Variants in ZNF704 observed in about 807,000 individuals in gnomAD.
The protein encoded by ZNF704 is glucocorticoid induced gene 1.
In ZNF704, 10 loss-of-function variants were observed where a neutral mutation model predicts 44.7. That is an observed-to-expected ratio of 0.22 (90% CI 0.14 to 0.38). ZNF704 has a LOEUF of 0.38. Among genes scored for constraint, ZNF704 ranks in the 10% least tolerant of loss-of-function variants. The pLI, the probability that ZNF704 is intolerant of heterozygous loss-of-function variation, is 1.00. For synonymous variants in ZNF704, 211 were observed against 207.6 expected (o/e 1.02, Z -0.14); for missense variants, 390 against 545.5 (o/e 0.71, Z 2.84).
chr8:80,726,249 C>A (rs1293653125), intron 2 of ZNF704, among the ~76,000 whole-genome samples: 2 of 152,006 alleles, frequency 1.3e-5, no homozygotes, highest in Admixed American at 6.6e-5. Flanking sequence ...TTTCTTACTG[C>A]ATAAATATCA....
intron 2 of ZNF704, among the ~76,000 whole-genome samples, chr8:80,745,880 C>A (rs1806835803): frequency 6.6e-6 from 1 of 152,088 alleles, no homozygotes; most frequent in Non-Finnish European, 1.5e-5. Context: ...AACAAGCAGG[C>A]CCTTTGGAAA....
chr8:80,713,787 ATTGT>A (rs1382726992), intron 2 of ZNF704, among the ~76,000 whole-genome samples: 8 of 152,262 alleles, frequency 5.3e-5, no homozygotes, highest in African/African-American at 1.9e-4. Flanking sequence ...TCTAAATGTC[ATTGT>A]TTAAGATTGA....
At chr8:80,852,750 C>T (rs147307381) in intron 1 of ZNF704, among the ~76,000 whole-genome samples, 31 of 152,238 alleles carry the variant, frequency 2.0e-4, no homozygotes, top group African/African-American at 6.7e-4. Flanking sequence ...ATCACATTTG[C>T]TAGGACTGCA....
intron 2 of ZNF704, among the ~76,000 whole-genome samples, chr8:80,800,937 C>A (rs1011412033): frequency 6.6e-6 from 1 of 152,082 alleles, no homozygotes; most frequent in East Asian, 1.9e-4. Context: ...CAAAGACACA[C>A]ATAGGCTCAA....
intron 2 of ZNF704, among the ~76,000 whole-genome samples, chr8:80,729,381 T>A (rs758074635): frequency 3.9e-5 from 6 of 152,116 alleles, no homozygotes; most frequent in Non-Finnish European, 8.8e-5. Flanking sequence ...AATGGGGTGA[T>A]AATGTACTCT....
chr8:80,792,595 G>A (rs1003569256), intron 2 of ZNF704, among the ~76,000 whole-genome samples: 7 of 152,156 alleles, frequency 4.6e-5, no homozygotes, highest in Admixed American at 1.3e-4. Context: ...GACTCCTGTC[G>A]TGCTAGCAGA....
intron 1 of ZNF704, among the ~76,000 whole-genome samples, chr8:80,844,441 A>C (rs1429646012): frequency 3.3e-5 from 5 of 152,068 alleles, no homozygotes; most frequent in Non-Finnish European, 5.9e-5. Flanking sequence ...CATTCATGAG[A>C]GTTTCACCCT....
At chr8:80,765,562 A>G (rs1205715693) in intron 2 of ZNF704, among the ~76,000 whole-genome samples, 3 of 152,218 alleles carry the variant, frequency 2.0e-5, no homozygotes, top group African/African-American at 7.2e-5. Flanking sequence ...AACATGATGT[A>G]ACTATCCTGC....
intron 7 of ZNF704, among the ~76,000 whole-genome samples, chr8:80,650,055 T>A (rs1275163345): frequency 6.6e-6 from 1 of 152,128 alleles, no homozygotes; most frequent in Admixed American, 6.5e-5. Context: ...GCAAACAGGG[T>A]CTGGAGTGGA....
intron 2 of ZNF704, chr8:80,776,672 G>A (rs1432067214): frequency 6.6e-6 from 1 of 152,042 alleles, no homozygotes; most frequent in African/African-American, 2.4e-5. Context: ...TTTTAGAAGG[G>A]GTCTTGCTAT....
At chr8:80,704,549 G>A (rs901540651) in intron 2 of ZNF704, among the ~76,000 whole-genome samples, 4 of 152,202 alleles carry the variant, frequency 2.6e-5, no homozygotes, top group Non-Finnish European at 5.9e-5. Context: ...GACCAAGCCA[G>A]GATTAGAGGG....
intron 2 of ZNF704, among the ~76,000 whole-genome samples, chr8:80,735,025 C>T (rs1806643991): frequency 6.6e-6 from 1 of 152,198 alleles, no homozygotes; most frequent in Non-Finnish European, 1.5e-5. Context: ...TTTCAATTTG[C>T]TCAGGAACTT....
intron 2 of ZNF704, among the ~76,000 whole-genome samples, chr8:80,731,083 AATTGAC>A: frequency 6.6e-6 from 1 of 152,330 alleles, no homozygotes; most frequent in Non-Finnish European, 1.5e-5. Context: ...TTTGCCACCA[AATTGAC>A]ATTTGAAGCC....
At chr8:80,660,798 T>C (rs375019011) in intron 6 of ZNF704, among the ~76,000 whole-genome samples, 114 of 152,196 alleles carry the variant, frequency 7.5e-4, no homozygotes, top group African/African-American at 2.7e-3. Flanking sequence ...TCAAAATGGA[T>C]TAAAAACTTA....
rs1817629021 is a variant in ZNF704, at chr8:80,634,048, T to C, written c.*7318A>G. ...AATTTTACTTGGTAACGAAGACTCA[T>C]GAGGCCGGATGGAGAGGGAAGGAGT... On this transcript the variant is annotated 3_prime_UTR_variant, in exon 9 of 9. Coordinates refer to ENST00000327835, the MANE Select transcript of ZNF704 (RefSeq NM_001033723.3). 1 of 152,202 alleles carries C rather than the reference T, an allele frequency of 6.6e-6. No homozygotes were observed. The highest frequency in any genetic ancestry group is 1.5e-5 in the Non-Finnish European group (1 of 68,058). The allele number at this position is 152,202 out of a possible 1,614,324, so 9.4% of individuals were successfully genotyped here. A position where few individuals can be genotyped will look rare whatever the true frequency, so the allele number is the denominator to read the frequency against.
intron 2 of ZNF704, among the ~76,000 whole-genome samples, chr8:80,781,897 T>C (rs1419031541): frequency 6.6e-6 from 1 of 152,218 alleles, no homozygotes; most frequent in African/African-American, 2.4e-5. Flanking sequence ...TTTCTCCCAC[T>C]GAAGAATGGC....
In ZNF704 at chr8:80,874,321, T is replaced by TCCG. The variant is rs1318271866; in HGVS notation, c.-22+247_-22+249dup. ...TGTGAGCGAGCGGCGCGCTGCCGCC[T>TCCG]CCGCCGCCGCCGCCGCCGCCCGGGA... On this transcript the variant is annotated intron_variant, in intron 1 of 8. Coordinates refer to ENST00000327835, the MANE Select transcript of ZNF704 (RefSeq NM_001033723.3). The surrounding 1 kb of genome is among the most constrained non-coding windows in gnomAD (Gnocchi z 4.4). Among the ~76,000 whole-genome samples the TCCG allele has an allele frequency of 2.1e-3, 295 of 143,804 alleles. 1 individual carries two copies. The highest frequency in any genetic ancestry group is 3.9e-3 in the Middle Eastern group (1 of 258). 94.3% of individuals were successfully genotyped at this position (143,804 alleles called of 152,430 possible).
intron 5 of ZNF704, among the ~76,000 whole-genome samples, chr8:80,669,985 T>C (rs1461599898): frequency 6.6e-6 from 1 of 152,190 alleles, no homozygotes; most frequent in African/African-American, 2.4e-5. Context: ...GCAGCATCGA[T>C]TGGTGTGGTG....
chr8:80,769,053 A>C (rs1563547074), intron 2 of ZNF704, among the ~76,000 whole-genome samples: 1 of 152,074 alleles, frequency 6.6e-6, no homozygotes, highest in Non-Finnish European at 1.5e-5. Context: ...GACCAACAAA[A>C]ATACTGGTAT....
Sources: allele counts gnomAD v4.1 joint callset (sites outside exome capture counted in the v4.1 genomes callset), GRCh38; gene constraint gnomAD v4.1.1; non-coding constraint Gnocchi (gnomAD v3.1); transcripts MANE v1.5; gene names NCBI Gene and HGNC (gene_info 2026-07-23, HGNC 2026-07-21).